The following MON2 variants were observed in gnomAD, a reference collection of about 807,000 sequenced individuals.
The protein encoded by MON2 is MON2 regulator of endosome-to-Golgi trafficking, also known as protein MON2 homolog.
A neutral mutation model predicts 208.6 loss-of-function variants in MON2; 84 were observed. The observed-to-expected ratio is 0.40, with a 90% CI of 0.34 to 0.48. MON2 has a LOEUF of 0.48. Ranked by LOEUF, MON2 falls within the 20% of genes least tolerant of loss-of-function variation. MON2 has a pLI of 0.59. For synonymous variants in MON2, 660 were observed against 694.0 expected (o/e 0.95, Z 0.77); for missense variants, 1,611 against 2,015.4 (o/e 0.80, Z 3.84).
At chr12:62,489,369 A>T (rs1159347728) in intron 2 of MON2, among the ~76,000 whole-genome samples, 1 of 152,028 alleles carries the variant, frequency 6.6e-6, no homozygotes, top group Non-Finnish European at 1.5e-5. Context: ...TCTTTTTTAA[A>T]ATTTTACATT....
At chr12:62,544,161 C>T (rs1048239637) in intron 20 of MON2, among the ~76,000 whole-genome samples, 2 of 152,098 alleles carry the variant, frequency 1.3e-5, no homozygotes, top group African/African-American at 4.8e-5. Context: ...GTAAGAAAAA[C>T]AGGCTGGCTG....
chr12:62,500,959 A>AT (rs1181204566), intron 6 of MON2, 79 bp downstream of exon 6: 3 of 809,232 alleles, frequency 3.7e-6, no homozygotes, highest in East Asian at 5.9e-5. Context: ...TTTATGTCTA[A>AT]TTTTTTTAAT....
intron 1 of MON2, among the ~76,000 whole-genome samples, chr12:62,478,689 C>A (rs975827196): frequency 6.6e-6 from 1 of 152,120 alleles, no homozygotes; most frequent in Admixed American, 6.5e-5. Flanking sequence ...TAGTTTGTTT[C>A]TTCCTTTTAA....
intron 5 of MON2, among the ~76,000 whole-genome samples, chr12:62,500,351 A>C (rs1440116784): frequency 6.6e-6 from 1 of 152,234 alleles, no homozygotes; most frequent in African/African-American, 2.4e-5. Flanking sequence ...TGTAACTGAC[A>C]TGGTAACAGC....
chr12:62,530,265 C>A, intron 11 of MON2, among the ~76,000 whole-genome samples: 1 of 142,780 alleles, frequency 7.0e-6, no homozygotes, highest in Non-Finnish European at 1.5e-5. Flanking sequence ...GAGTCTCGCT[C>A]TGTCACCCAG....
chr12:62,534,861 G>T lies in MON2; in HGVS notation c.1650G>T (p.Trp550Cys). 6.2e-7 allele frequency: 1 copy of T among 1,611,182 alleles called. No individual in the cohort carries two copies. The highest frequency in any genetic ancestry group is 8.5e-7 in the Non-Finnish European group (1 of 1,178,324). Residue 550 changes from tryptophan (W) to cysteine (C), a missense_variant, in exon 13 of 35, where the codon TGG (tryptophan) becomes TGT (cysteine). Coordinates refer to ENST00000393630, the MANE Select transcript of MON2 (RefSeq NM_015026.3). Reference sequence around the variant, plus strand: ...TCCTTTAAGTTAGTAGGGCTGTTTGGGAAGAAATGGTGAATGCCTGCTGGT... The same window carrying T: ...TCCTTTAAGTTAGTAGGGCTGTTTGTGAAGAAATGGTGAATGCCTGCTGGT... ...MDKEIVSRAV[W>C]EEMVNACWCG...
intron 6 of MON2, 52 bp downstream of exon 6, chr12:62,500,932 A>AT (rs747515963): frequency 8.8e-7 from 1 of 1,142,742 alleles, no homozygotes; most frequent in East Asian, 2.6e-5. Context: ...TTTTGTGTGA[A>AT]TTTTTTAGTT....
intron 1 of MON2, among the ~76,000 whole-genome samples, chr12:62,477,153 A>T (rs1439661432): frequency 3.3e-5 from 5 of 152,126 alleles, no homozygotes; most frequent in Admixed American, 2.0e-4. Flanking sequence ...CTTTCAAAGG[A>T]TGTCCTTACA....
chr12:62,475,959 C>T (rs143559958), intron 1 of MON2, among the ~76,000 whole-genome samples: 4,920 of 151,842 alleles, frequency 0.032, 285 homozygotes, highest in African/African-American at 0.11. Flanking sequence ...TGCAGTGAGC[C>T]GAGATCTCGC....
At chr12:62,538,588 A>G in intron 19 of MON2, 83 bp downstream of exon 19, 1 of 920,122 alleles carries the variant, frequency 1.1e-6, no homozygotes, top group Non-Finnish European at 1.7e-6. Context: ...GTGTTTTACT[A>G]GTAGAACTAA....
intron 11 of MON2, among the ~76,000 whole-genome samples, chr12:62,531,927 G>A (rs1321068358): frequency 2.6e-5 from 4 of 151,996 alleles, no homozygotes; most frequent in South Asian, 2.1e-4. Flanking sequence ...CTGCCACCAC[G>A]CCTGGCTAAT....
At chr12:62,561,732 A>G (rs1420937903) in intron 26 of MON2, among the ~76,000 whole-genome samples, 1 of 152,168 alleles carries the variant, frequency 6.6e-6, no homozygotes, top group African/African-American at 2.4e-5. Flanking sequence ...ATTCACAGTC[A>G]TCAAAATGCT....
chr12:62,557,595 A>G (rs1461686271), intron 25 of MON2, among the ~76,000 whole-genome samples: 1 of 152,184 alleles, frequency 6.6e-6, no homozygotes, highest in African/African-American at 2.4e-5. Context: ...AGCATGTTGT[A>G]CATATTATCT....
At position 62,566,032 on chromosome 12, in the gene MON2, G is replaced by C; in HGVS notation, c.4194+1G>C. 1 of 1,610,904 alleles carries C rather than the reference G, an allele frequency of 6.2e-7. No homozygotes were observed. Among genetic ancestry groups the C allele is most frequent in the Non-Finnish European group, 8.5e-7 (1 of 1,178,268 alleles). Reference sequence around the variant, plus strand: ...ACAATAGATCCAACTATTTGCACCGGTGAGTTAAATTTCCTAAAATTGTCC... The same window carrying C: ...ACAATAGATCCAACTATTTGCACCGCTGAGTTAAATTTCCTAAAATTGTCC... On this transcript the variant is annotated splice_donor_variant, in intron 28 of 34. Transcript: ENST00000393630. LOFTEE classifies it high-confidence loss of function.
At chr12:62,556,813 T>C (rs2073986126) in intron 25 of MON2, among the ~76,000 whole-genome samples, 1 of 152,168 alleles carries the variant, frequency 6.6e-6, no homozygotes, top group African/African-American at 2.4e-5. Context: ...TGGTGGCTCA[T>C]GCCTATAATC....
At chr12:62,579,576 A>ATC (rs58675233) in intron 31 of MON2, among the ~76,000 whole-genome samples, 1 of 150,520 alleles carries the variant, frequency 6.6e-6, no homozygotes, top group Non-Finnish European at 1.5e-5. Context: ...AAAAAAAAAA[A>ATC]TTAGCTGGGC....
chr12:62,580,451 A>T, intron 32 of MON2, 31 bp downstream of exon 32: 1 of 1,537,616 alleles, frequency 6.5e-7, no homozygotes, highest in Non-Finnish European at 8.9e-7. Context: ...ATTAAAAAGT[A>T]TTGAAGTACT....
chr12:62,564,078 A>ATAT, intron 26 of MON2, among the ~76,000 whole-genome samples: 1 of 152,204 alleles, frequency 6.6e-6, no homozygotes, highest in Non-Finnish European at 1.5e-5. Flanking sequence ...ATGTCTTTTT[A>ATAT]CTACTTTCTT....
At chr12:62,533,239 G>A (rs1206299258) in intron 12 of MON2, among the ~76,000 whole-genome samples, 1 of 152,126 alleles carries the variant, frequency 6.6e-6, no homozygotes. Flanking sequence ...ACATTAGGAA[G>A]CATACTACAG....
Sources: gnomAD v4.1 joint callset for allele counts (sites outside exome capture counted in the v4.1 genomes callset) on GRCh38, gnomAD v4.1.1 for gene constraint, MANE v1.5 for transcripts, NCBI Gene and HGNC (gene_info 2026-07-23, HGNC 2026-07-21) for gene names.